The following STIM2 variants were observed in gnomAD, a reference collection of about 807,000 sequenced individuals.
STIM2 encodes stromal interaction molecule 2.
A neutral mutation model predicts 85.8 loss-of-function variants in STIM2; 31 were observed. The ratio of observed to expected loss-of-function variants is 0.36; its 90% confidence interval spans 0.27 to 0.49. The LOEUF is 0.49. Ranked by LOEUF, STIM2 falls within the 20% of genes least tolerant of loss-of-function variation. The pLI, the probability that STIM2 is intolerant of heterozygous loss-of-function variation, is 0.98. For synonymous variants in STIM2, 356 were observed against 331.1 expected, an observed-to-expected ratio of 1.08 and a Z score of -0.82; for missense variants, 841 against 927.6, an observed-to-expected ratio of 0.91 and a Z score of 1.21.
At chr4:26,892,768 C>T (rs1723544712) in intron 1 of STIM2, among the ~76,000 whole-genome samples, 1 of 152,122 alleles carries the variant, frequency 6.6e-6, no homozygotes, top group Admixed American at 6.5e-5. Flanking sequence ...TGATATAACC[C>T]TGAGGTAAGA....
intron 1 of STIM2, among the ~76,000 whole-genome samples, chr4:26,914,240 A>G (rs1456090042): frequency 6.6e-6 from 1 of 152,244 alleles, no homozygotes; most frequent in African/African-American, 2.4e-5. Flanking sequence ...CTTTGTGGGC[A>G]AAGTGAAATG....
intron 10 of STIM2, among the ~76,000 whole-genome samples, chr4:27,015,341 C>G (rs1211498714): frequency 6.6e-6 from 1 of 151,974 alleles, no homozygotes; most frequent in Non-Finnish European, 1.5e-5. Flanking sequence ...TCAAATGTCT[C>G]TCAAAACAGT....
intron 3 of STIM2, among the ~76,000 whole-genome samples, chr4:26,976,174 A>G (rs1290513175): frequency 6.6e-6 from 1 of 151,886 alleles, no homozygotes; most frequent in African/African-American, 2.4e-5. Flanking sequence ...TGGCTAGGAA[A>G]GGGAAATCCC....
chr4:26,918,088 G>GT (rs2109064439), intron 1 of STIM2, among the ~76,000 whole-genome samples: 1 of 151,944 alleles, frequency 6.6e-6, no homozygotes, highest in African/African-American at 2.4e-5. Flanking sequence ...TACTTTTATA[G>GT]TTTCCTTTCT....
At chr4:27,016,229 TA>T (rs1032653581) in intron 10 of STIM2, among the ~76,000 whole-genome samples, 1 of 152,222 alleles carries the variant, frequency 6.6e-6, no homozygotes, top group South Asian at 2.1e-4. Flanking sequence ...TTTCATGATG[TA>T]AAAAAATCCC....
chr4:26,950,750 T>C (rs1357759081), intron 2 of STIM2, among the ~76,000 whole-genome samples: 2 of 152,210 alleles, frequency 1.3e-5, no homozygotes, highest in African/African-American at 4.8e-5. Flanking sequence ...AAAGGTGTTT[T>C]TTGATAGAAT....
intron 2 of STIM2, among the ~76,000 whole-genome samples, chr4:26,922,827 G>A (rs1163465268): frequency 6.6e-6 from 1 of 152,070 alleles, no homozygotes; most frequent in African/African-American, 2.4e-5. Flanking sequence ...TGGTGGATGG[G>A]GGCAATAGTG....
At chr4:26,919,679 G>T (rs780815750) in intron 2 of STIM2, 45 bp downstream of exon 2, 2 of 1,595,984 alleles carry the variant, frequency 1.3e-6, no homozygotes, top group South Asian at 2.3e-5. Flanking sequence ...AGAACAGAAT[G>T]ACTGCATTTC....
At chr4:27,021,040 C>T (rs1560243594) in intron 11 of STIM2, 8 of 1,536,476 alleles carry the variant, frequency 5.2e-6, no homozygotes, top group Non-Finnish European at 7.0e-6. Flanking sequence ...GTGAATGAGA[C>T]TAAGTAGTAA....
chr4:26,908,525 C>A (rs1169129842), intron 1 of STIM2, among the ~76,000 whole-genome samples: 1 of 152,178 alleles, frequency 6.6e-6, no homozygotes, highest in South Asian at 2.1e-4. Context: ...TTGCTGTCGC[C>A]CAGCCTGGAG....
chr4:26,945,638 C>G (rs1012724283), intron 2 of STIM2, among the ~76,000 whole-genome samples: 1 of 152,116 alleles, frequency 6.6e-6, no homozygotes, highest in Non-Finnish European at 1.5e-5. Flanking sequence ...TAATAATAGC[C>G]ATTCTGACTG....
chr4:26,953,249 C>T (rs536316597), intron 2 of STIM2, among the ~76,000 whole-genome samples: 1 of 152,184 alleles, frequency 6.6e-6, no homozygotes, highest in East Asian at 1.9e-4. Context: ...TGTATTAAAC[C>T]TTCCAATATA....
chr4:26,895,894 A>G (rs1560198757), intron 1 of STIM2, among the ~76,000 whole-genome samples: 1 of 152,196 alleles, frequency 6.6e-6, no homozygotes, highest in Non-Finnish European at 1.5e-5. Flanking sequence ...ATAATGAATT[A>G]CCATACACTC....
intron 2 of STIM2, among the ~76,000 whole-genome samples, chr4:26,944,434 T>C (rs1725737291): frequency 1.3e-5 from 2 of 152,204 alleles, no homozygotes; most frequent in Admixed American, 1.3e-4. Context: ...GTATGCTCTC[T>C]GAGGGTAGGG....
chr4:26,861,228 C>T lies in STIM2; in HGVS notation c.10C>T (p.Leu4Phe). ...GCGGCGCTGGGCTGCGTTGCTGGTGCTCGGGCTGCTGGTAGCCGGAGCGGC... is the reference window on the plus strand; with the variant it reads ...GCGGCGCTGGGCTGCGTTGCTGGTGTTCGGGCTGCTGGTAGCCGGAGCGGC... The change falls in exon 1 of 12, where the codon CTC (leucine) becomes TTC (phenylalanine). Residue 4 changes from leucine (L) to phenylalanine (F), a missense_variant. By Grantham distance (22) the Leu-to-Phe change is conservative. Transcript: ENST00000467087. 6.7e-7 allele frequency: 1 copy of T among 1,493,406 alleles called. No individual in the cohort carries two copies. The highest frequency in any genetic ancestry group is 1.2e-5 in the South Asian group (1 of 80,428). The allele number at this position is 1,493,406 out of a possible 1,614,324, so 92.5% of individuals were successfully genotyped here.
At chr4:26,908,510 G>T (rs1044021506) in intron 1 of STIM2, among the ~76,000 whole-genome samples, 3 of 152,194 alleles carry the variant, frequency 2.0e-5, no homozygotes, top group Admixed American at 1.3e-4. Context: ...TTTTGAGACA[G>T]AGTCTTGCTG....
At chr4:27,011,275 A>G (rs1253495736) in intron 10 of STIM2, among the ~76,000 whole-genome samples, 1 of 152,210 alleles carries the variant, frequency 6.6e-6, no homozygotes, top group Non-Finnish European at 1.5e-5. Context: ...CTCAAAAGTT[A>G]TGTTTCAAAA....
intron 2 of STIM2, among the ~76,000 whole-genome samples, chr4:26,937,796 CCTCA>C (rs2109079407): frequency 6.6e-6 from 1 of 152,244 alleles, no homozygotes; most frequent in East Asian, 1.9e-4. Context: ...TGTCTTGCTC[CCTCA>C]CTAAGTTGTT....
At position 26,971,047 on chromosome 4, in the gene STIM2, A is replaced by C. The variant is rs545836980; in HGVS notation, c.397+13321A>C. ...TTGGCTGCATAGATATCTTCTTTTG[A>C]GAAGTGTCTGTTCATATCCTTTGCC... On this transcript the variant is annotated intron_variant, in intron 3 of 11. Transcript: ENST00000467087. Among the ~76,000 whole-genome samples the C allele has an allele frequency of 2.6e-5, 4 of 152,284 alleles. No individual in the cohort carries two copies. The East Asian group carries it at 7.7e-4, about 29-fold the overall frequency.
Sources: allele counts gnomAD v4.1 joint callset (sites outside exome capture counted in the v4.1 genomes callset), GRCh38; gene constraint gnomAD v4.1.1; transcripts MANE v1.5; gene names NCBI Gene and HGNC (gene_info 2026-07-23, HGNC 2026-07-21).